SBNO2: variants seen among roughly 807,000 people sequenced by gnomAD.
The protein encoded by SBNO2 is strawberry notch homolog 2, also known as protein strawberry notch homolog 2.
A neutral mutation model predicts 146.3 loss-of-function variants in SBNO2; 89 were observed. That is an observed-to-expected ratio of 0.61 (90% CI 0.51 to 0.73). The LOEUF (loss-of-function observed/expected upper bound fraction) is 0.73, where lower values mean the gene tolerates loss of function less well. SBNO2 is among the 30% of genes least tolerant of loss of function. The pLI is 0.00. For missense variants in SBNO2, 2,092 were observed against 2,003.7 expected (o/e 1.04, Z -0.84); for synonymous variants, 1,147 against 892.6 (o/e 1.29, Z -5.08).
chr19:1,169,451 C>T (rs1056350533), intron 1 of SBNO2, among the ~76,000 whole-genome samples: 1 of 152,236 alleles, frequency 6.6e-6, no homozygotes, highest in East Asian at 1.9e-4. Flanking sequence ...CCCCTGTGTG[C>T]CACCCATGTG....
chr19:1,120,134 G>A lies in SBNO2; in HGVS notation c.1150-111C>T, dbSNP rs574599554. The A allele has an allele frequency of 9.3e-4, 771 of 831,788 alleles. 12 individuals are homozygous for A. In the South Asian group the frequency reaches 0.011, roughly 12 times the overall value. 51.5% of individuals were successfully genotyped at this position (831,788 alleles called of 1,614,324 possible). A position where few individuals can be genotyped will look rare whatever the true frequency, so the allele number is the denominator to read the frequency against. ...CCTGGTGGGGGGCAAACGCCTGTGC[G>A]GCTGAGAACTCCACGAGGGAAGCCC... On this transcript the variant is annotated intron_variant, in intron 11 of 31. Coordinates refer to ENST00000361757, the MANE Select transcript of SBNO2 (RefSeq NM_014963.3).
Position 1,122,484 on chromosome 19 carries a change from ACCGCGATGCCCGTGGCTTCGATGTC to A in SBNO2, c.964_988del (p.Asp322CysfsTer26). Reference sequence around the variant, plus strand: ...AGCCCCTACCTTGCTGAGCGCGTGCACCGCGATGCCCGTGGCTTCGATGTCCCGCAGGTCGCGCTCCGCATCGTAC... The same window carrying A: ...AGCCCCTACCTTGCTGAGCGCGTGCACCGCAGGTCGCGCTCCGCATCGTAC... On this transcript the variant is annotated frameshift_variant, in exon 10 of 32. Transcript: ENST00000361757. LOFTEE classifies it high-confidence loss of function. 1 of 1,572,934 alleles carries A rather than the reference ACCGCGATGCCCGTGGCTTCGATGTC, an allele frequency of 6.4e-7. No individual in the cohort carries two copies. Among genetic ancestry groups the A allele is most frequent in the Non-Finnish European group, 8.6e-7 (1 of 1,161,358 alleles).
In SBNO2 at chr19:1,140,639, G is replaced by C. The variant is rs2080126719; in HGVS notation, c.279+6670C>G. Among the ~76,000 whole-genome samples the C allele has an allele frequency of 6.6e-6, 1 of 152,138 alleles. No individual in the cohort carries two copies. The highest frequency in any genetic ancestry group is 6.5e-5 in the Admixed American group (1 of 15,274). On this transcript the variant is annotated intron_variant, in intron 4 of 31. Transcript: ENST00000361757. The surrounding 1 kb of genome is among the most constrained non-coding windows in gnomAD (Gnocchi z 4.4). ...GTGGCCAGGGAGCAGGCAGAGAGCG[G>C]GGAAGGGGTGGGGGTCCCACACAGA...
chr19:1,155,493 C>T (rs2080282132), intron 1 of SBNO2, among the ~76,000 whole-genome samples: 1 of 152,226 alleles, frequency 6.6e-6, no homozygotes, highest in African/African-American at 2.4e-5. Flanking sequence ...CCTTGGCAGC[C>T]CTTCCAGCTG....
At position 1,123,552 on chromosome 19, in the gene SBNO2, C is replaced by G. The variant is rs778405652; in HGVS notation, c.610G>C (p.Asp204His). The G allele has an allele frequency of 1.9e-6, 3 of 1,613,338 alleles. No homozygotes were observed. Among genetic ancestry groups the G allele is most frequent in the Non-Finnish European group, 2.5e-6 (3 of 1,179,762 alleles). The change falls in exon 7 of 32, where the codon GAC becomes CAC. Residue 204 changes from aspartate to histidine, a missense_variant. Transcript: ENST00000361757. The part of the protein sequence containing the change: ...EELGHTETYA[D>H]YVPSKSKIGK... ...CACTCACACTTGGACGGCACGTAGTCGGCGTAGGTCTCTGTGTGCCCCAGC... is the reference window on the plus strand; with the variant it reads ...CACTCACACTTGGACGGCACGTAGTGGGCGTAGGTCTCTGTGTGCCCCAGC...
intron 1 of SBNO2, among the ~76,000 whole-genome samples, chr19:1,162,385 G>A (rs1324497575): frequency 2.0e-5 from 3 of 150,220 alleles, no homozygotes; most frequent in South Asian, 2.1e-4. Flanking sequence ...GCGTGAACCC[G>A]GGAGGCGGCG....
rs767806178 is a variant in SBNO2, at chr19:1,109,721, G to A, written c.3085C>T (p.Pro1029Ser). 4 of 1,607,068 alleles carry A rather than the reference G, an allele frequency of 2.5e-6. No individual in the cohort carries two copies. The highest frequency in any genetic ancestry group is 1.7e-5 in the Admixed American group (1 of 59,750). The part of the protein sequence containing the change: ...YEESQQVFLA[P>S]GHPQDGQVVF... ...ACCTGCCCGTCCTGCGGGTGCCCGG[G>A]AGCCAGGAACACCTGCTGGCTCTCC... Residue 1029 changes from proline (P) to serine (S), a missense_variant, in exon 27 of 32, where the codon CCC becomes TCC. Transcript: ENST00000361757. This position sits in a 1 kb window ranked among gnomAD's most constrained non-coding sequence, Gnocchi z 4.2.
At chr19:1,134,262 G>A (rs922759092) in intron 4 of SBNO2, among the ~76,000 whole-genome samples, 1 of 144,288 alleles carries the variant, frequency 6.9e-6, no homozygotes, top group South Asian at 2.2e-4. Flanking sequence ...CAGCTCATAG[G>A]CACCTGGACC....
chr19:1,123,362 A>G (rs900569752), intron 7 of SBNO2, among the ~76,000 whole-genome samples, 172 bp downstream of exon 7: 1 of 152,128 alleles, frequency 6.6e-6, no homozygotes. Flanking sequence ...CCCCTCTGCG[A>G]ACCCCGGTTT....
intron 1 of SBNO2, among the ~76,000 whole-genome samples, chr19:1,170,202 C>T (rs780378840): frequency 5.9e-5 from 9 of 152,224 alleles, no homozygotes; most frequent in Non-Finnish European, 8.8e-5. Flanking sequence ...ATGGGGCCCA[C>T]GCATCCGAAA....
rs2080170917 is a variant in SBNO2 at position 1,144,729 on chromosome 19, G to C, written c.279+2580C>G. On this transcript the variant is annotated intron_variant, in intron 4 of 31. Coordinates refer to ENST00000361757, the MANE Select transcript of SBNO2 (RefSeq NM_014963.3). The surrounding 1 kb of genome is among the most constrained non-coding windows in gnomAD (Gnocchi z 4.1). ...GGAAACAGACACAGAGGCAGAGAGG[G>C]AGACAAAGAGACAGGTGGAGAGGGA... 6.6e-6 allele frequency among the ~76,000 whole-genome samples: 1 copy of C among 150,458 alleles called. No individual in the cohort carries two copies. Among genetic ancestry groups the C allele is most frequent in the East Asian group, 1.9e-4 (1 of 5,160 alleles).
intron 13 of SBNO2, 59 bp from the exon 14 acceptor site, chr19:1,119,223 G>A (rs1318535416): frequency 1.8e-5 from 28 of 1,535,912 alleles, no homozygotes; most frequent in African/African-American, 4.1e-5. Context: ...GGAGCCACTC[G>A]GAGCGCGAGG....
intron 5 of SBNO2, among the ~76,000 whole-genome samples, chr19:1,127,274 T>C (rs959569134): frequency 6.6e-6 from 1 of 152,080 alleles, no homozygotes; most frequent in Non-Finnish European, 1.5e-5. Context: ...CCGGGTGCGG[T>C]GGACACGGGG....
rs1250704724 is a variant in SBNO2 at position 1,112,543 on chromosome 19, G to C, written c.2380-6C>G. ...TCCGAGATGATGGCCACGAGCTAGG[G>C]GGAAAGAAGGGGCCGGGACACGGTT... is the stretch of plus-strand genomic sequence containing the variant. On this transcript the variant is annotated splice_region_variant and splice_polypyrimidine_tract_variant and intron_variant, in intron 20 of 31. Coordinates refer to ENST00000361757, the MANE Select transcript of SBNO2 (RefSeq NM_014963.3). The surrounding 1 kb of genome is among the most constrained non-coding windows in gnomAD (Gnocchi z 5.9). 1.6e-5 allele frequency: 26 copies of C among 1,594,378 alleles called. No individual in the cohort carries two copies. Among genetic ancestry groups the C allele is most frequent in the Middle Eastern group, 2.1e-4 (1 of 4,876 alleles).
intron 1 of SBNO2, among the ~76,000 whole-genome samples, chr19:1,170,761 C>T (rs371038151): frequency 2.0e-5 from 3 of 152,020 alleles, no homozygotes; most frequent in Non-Finnish European, 4.4e-5. Flanking sequence ...ACGTGCATAA[C>T]GGACACAGGT....
Position 1,149,400 on chromosome 19 carries a change from G to A in SBNO2, c.136C>T (p.Pro46Ser), listed in dbSNP as rs1284694281. Residue 46 changes from proline to serine, a missense_variant, in exon 3 of 32, where the codon CCG becomes TCG. Physicochemically the swap from Pro to Ser is moderately conservative, Grantham distance 74. Transcript: ENST00000361757. ...TCGCTGGAGAAGGCAGGGTATGGCGGCAGCGAGAAGGTGTTCCAGTAGGGG... is the reference window on the plus strand; with the variant it reads ...TCGCTGGAGAAGGCAGGGTATGGCGACAGCGAGAAGGTGTTCCAGTAGGGG... Reference protein sequence around the residue: ...HCPYWNTFSLPPYPAFSSDSR... With the variant: ...HCPYWNTFSLSPYPAFSSDSR... The A allele has an allele frequency of 6.4e-7, 1 of 1,552,420 alleles. No homozygotes were observed. The highest frequency in any genetic ancestry group is 8.7e-7 in the Non-Finnish European group (1 of 1,148,192).
Position 1,112,468 on chromosome 19 carries a change from G to C in SBNO2, c.2449C>G (p.Gln817Glu). ...AAGGTCATGTGCACGCGGCGCCGCT[G>C]GTTCTGGACACGGCGGTCGGCTTGG... Reference protein sequence around the residue: ...SLQADRRVQNQRRRVHMTLEL... With the variant: ...SLQADRRVQNERRRVHMTLEL... The change falls in exon 21 of 32, where the codon CAG becomes GAG. Residue 817 changes from glutamine to glutamate, a missense_variant. By Grantham distance (29) the Gln-to-Glu change is conservative. Transcript: ENST00000361757. This position sits in a 1 kb window ranked among gnomAD's most constrained non-coding sequence, Gnocchi z 5.9. 1 of 1,608,116 alleles carries C rather than the reference G, an allele frequency of 6.2e-7. No individual in the cohort carries two copies. The highest frequency in any genetic ancestry group is 8.5e-7 in the Non-Finnish European group (1 of 1,178,780).
intron 2 of SBNO2, among the ~76,000 whole-genome samples, chr19:1,151,013 C>G (rs1035151864): frequency 3.9e-5 from 6 of 152,260 alleles, no homozygotes; most frequent in Non-Finnish European, 8.8e-5. Flanking sequence ...GAGAAGACCC[C>G]GTGCAAGTGG....
chr19:1,124,186 G>A (rs2079938835), intron 5 of SBNO2, 164 bp from the exon 6 acceptor site: 9 of 694,426 alleles, frequency 1.3e-5, no homozygotes, highest in African/African-American at 5.5e-5. Context: ...TTCTCAGGGT[G>A]ACCCTGGTGC....
Sources: gnomAD v4.1 joint callset for allele counts (sites outside exome capture counted in the v4.1 genomes callset) on GRCh38, gnomAD v4.1.1 for gene constraint, Gnocchi (gnomAD v3.1) non-coding constraint, MANE v1.5 for transcripts, NCBI Gene and HGNC (gene_info 2026-07-23, HGNC 2026-07-21) for gene names.